Variants in MAP1B observed in about 807,000 individuals in gnomAD.
MAP1B encodes microtubule-associated protein 1B.
In MAP1B, 12 loss-of-function variants were observed where a neutral mutation model predicts 176.1. The observed-to-expected ratio is 0.07, with a 90% CI of 0.04 to 0.11. The LOEUF is 0.11. Among genes scored for constraint, MAP1B ranks in the 10% least tolerant of loss-of-function variants. MAP1B has a pLI of 1.00. For synonymous variants in MAP1B, 1,044 were observed against 1,135.0 expected, an observed-to-expected ratio of 0.92 and a Z score of 1.61; for missense variants, 2,523 against 2,990.5, an observed-to-expected ratio of 0.84 and a Z score of 3.65.
At chr5:72,129,325 G>A (rs927230513) in intron 2 of MAP1B, among the ~76,000 whole-genome samples, 3 of 152,202 alleles carry the variant, frequency 2.0e-5, no homozygotes, top group East Asian at 1.9e-4. Flanking sequence ...GGAGGCCAAG[G>A]TGGGCAGATC....
intron 4 of MAP1B, among the ~76,000 whole-genome samples, chr5:72,190,249 G>C (rs1325491386): frequency 6.6e-6 from 1 of 152,070 alleles, no homozygotes. Context: ...GGCTTTGAGG[G>C]GCTCGACAAT....
rs202077596 is a variant in MAP1B, at chr5:72,198,016, C to G, written c.4661C>G (p.Thr1554Arg). Residue 1554 changes from threonine (T) to arginine (R), a missense_variant, in exon 5 of 7, where the codon ACA becomes AGA. By Grantham distance (71) the Thr-to-Arg change is moderately conservative. Around this residue, in one of 4 missense-constraint regions of MAP1B, gnomAD observed 1,925 missense variants for 2,126.0 expected, o/e 0.91. Transcript: ENST00000296755. ...ATGGAGGGTGTGGCCTCAGTGTCCACAGCCTCAGTGGCTACGAGCTCATTT... is the reference window on the plus strand; with the variant it reads ...ATGGAGGGTGTGGCCTCAGTGTCCAGAGCCTCAGTGGCTACGAGCTCATTT... ...SHMEGVASVS[T>R]ASVATSSFPE... is the part of the protein sequence containing the mutation. 1 of 1,614,202 alleles carries G rather than the reference C, an allele frequency of 6.2e-7. No individual in the cohort carries two copies. The highest frequency in any genetic ancestry group is 2.2e-5 in the East Asian group (1 of 44,892).
intron 2 of MAP1B, among the ~76,000 whole-genome samples, chr5:72,120,000 G>A (rs1745497846): frequency 6.6e-6 from 1 of 152,094 alleles, no homozygotes; most frequent in Admixed American, 6.5e-5. Flanking sequence ...GTTGCCATTT[G>A]CTTCTTTCCC....
intron 2 of MAP1B, among the ~76,000 whole-genome samples, chr5:72,162,285 G>A (rs963594663): frequency 6.6e-6 from 1 of 152,144 alleles, no homozygotes; most frequent in Admixed American, 6.5e-5. Flanking sequence ...TCCTGTAAAA[G>A]TAAAAGTCAC....
intron 2 of MAP1B, among the ~76,000 whole-genome samples, chr5:72,152,124 T>C (rs1465935525): frequency 6.6e-6 from 1 of 152,190 alleles, no homozygotes; most frequent in Non-Finnish European, 1.5e-5. Context: ...GTATCCCACA[T>C]TGTATTTAGA....
chr5:72,193,178 A>G, intron 4 of MAP1B: 1 of 327,612 alleles, frequency 3.1e-6, no homozygotes, highest in South Asian at 2.6e-5. Context: ...GCGTGCACTG[A>G]TGCCAGAAAC....
At chr5:72,161,956 C>CAAAAAAAAAAAAAAAAAA (rs4043357) in intron 2 of MAP1B, among the ~76,000 whole-genome samples, 1 of 85,024 alleles carries the variant, frequency 1.2e-5, no homozygotes, top group Non-Finnish European at 2.3e-5. Context: ...AATTCCGTCT[C>CAAAAAAAAAAAAAAAAAA]AAAAAAAAAA....
chr5:72,107,660 C>A lies in MAP1B; in HGVS notation c.129C>A (p.Val43=), dbSNP rs1445380169. 1.9e-6 allele frequency: 3 copies of A among 1,600,172 alleles called. No individual in the cohort carries two copies. Among genetic ancestry groups the A allele is most frequent in the Non-Finnish European group, 2.5e-6 (3 of 1,179,640 alleles). ...LDSKFYLLVV[V]GEIVTEEHLR... ...GCAAGTTCTACTTGCTGGTGGTCGT[C>A]GGCGAGATCGTGACCGAGGAGCACC... The change falls in exon 1 of 7, where the codon GTC becomes GTA. Residue 43 remains valine (V), a synonymous_variant. Transcript: ENST00000296755.
Position 72,200,367 on chromosome 5 carries a change from G to A in MAP1B, c.7012G>A (p.Gly2338Arg), listed in dbSNP as rs1322501321. ...ASKSAKTATA[G>R]PGTTKTTKSS... ...CAAGTCGGCCAAGACCGCCACTGCAGGTAGGTTGAGAAGGCTGGGCATTGG... is the reference window on the plus strand; with the variant it reads ...CAAGTCGGCCAAGACCGCCACTGCAAGTAGGTTGAGAAGGCTGGGCATTGG... Residue 2338 changes from glycine (G) to arginine (R), a missense_variant and splice_region_variant, in exon 5 of 7, where the codon GGA becomes AGA. By Grantham distance (125) the Gly-to-Arg change is moderately radical (BLOSUM62 -2). This residue lies in a region of MAP1B where 287 missense variants were observed against 401.5 expected (regional missense o/e 0.71). Coordinates refer to ENST00000296755, the MANE Select transcript of MAP1B (RefSeq NM_005909.5). 1 of 1,612,848 alleles carries A rather than the reference G, an allele frequency of 6.2e-7. No homozygotes were observed. Among genetic ancestry groups the A allele is most frequent in the Admixed American group, 1.7e-5 (1 of 59,868 alleles).
At chr5:72,132,620 C>G (rs1323919809) in intron 2 of MAP1B, among the ~76,000 whole-genome samples, 1 of 152,140 alleles carries the variant, frequency 6.6e-6, no homozygotes, top group Non-Finnish European at 1.5e-5. Flanking sequence ...TCCTTGAATT[C>G]TTTTGTTCAT....
chr5:72,132,180 T>C (rs1745745592), intron 2 of MAP1B, among the ~76,000 whole-genome samples: 1 of 152,248 alleles, frequency 6.6e-6, no homozygotes, highest in Non-Finnish European at 1.5e-5. Context: ...AAGGTGTTCA[T>C]AATTCAGTTG....
At chr5:72,125,933 A>G (rs1330557215) in intron 2 of MAP1B, among the ~76,000 whole-genome samples, 1 of 149,598 alleles carries the variant, frequency 6.7e-6, no homozygotes, top group Non-Finnish European at 1.5e-5. Context: ...ACCTGGATGT[A>G]TAAGCTTAAT....
intron 4 of MAP1B, among the ~76,000 whole-genome samples, chr5:72,188,462 G>GTTGGTTTCTACCCAAGTCA (rs1746960769): frequency 6.6e-6 from 1 of 152,160 alleles, no homozygotes; most frequent in African/African-American, 2.4e-5. Context: ...TTTTCTAGTG[G>GTTGGTTTCTACCCAAGTCA]TTGGTTTCTA....
rs761585337 is a variant in MAP1B at position 72,199,638 on chromosome 5, A to G, written c.6283A>G (p.Thr2095Ala). 1.2e-6 allele frequency: 2 copies of G among 1,614,150 alleles called. No homozygotes were observed. Among genetic ancestry groups the G allele is most frequent in the Non-Finnish European group, 1.7e-6 (2 of 1,180,028 alleles). The change falls in exon 5 of 7, where the codon ACA becomes GCA. Residue 2095 changes from threonine (T) to alanine (A), a missense_variant. Transcript: ENST00000296755. This position sits in a 1 kb window ranked among gnomAD's most constrained non-coding sequence, Gnocchi z 4.2. ...CTCTTGTGAATACAAGCACCCCAAG[A>G]CAGAGCTTTCACCCTCTTTCATTAA... The part of the protein sequence containing the change: ...VSSCEYKHPK[T>A]ELSPSFINPN...
chr5:72,131,736 A>G (rs1003646803), intron 2 of MAP1B, among the ~76,000 whole-genome samples: 2 of 152,224 alleles, frequency 1.3e-5, no homozygotes, highest in Non-Finnish European at 2.9e-5. Context: ...CTATAGAATC[A>G]TAGTTTATGT....
chr5:72,151,421 A>C (rs2112166507), intron 2 of MAP1B, among the ~76,000 whole-genome samples: 1 of 152,316 alleles, frequency 6.6e-6, no homozygotes, highest in South Asian at 2.1e-4. Flanking sequence ...AAAGCATTGC[A>C]GTGGGGAAGT....
intron 2 of MAP1B, among the ~76,000 whole-genome samples, chr5:72,122,264 G>A (rs1205322904): frequency 6.6e-6 from 1 of 152,030 alleles, no homozygotes; most frequent in African/African-American, 2.4e-5. Flanking sequence ...GTGATCGGCA[G>A]CTCCTCATGC....
chr5:72,192,511 C>T (rs1252776211), intron 4 of MAP1B, among the ~76,000 whole-genome samples: 2 of 152,190 alleles, frequency 1.3e-5, no homozygotes, highest in African/African-American at 4.8e-5. Context: ...TATTTTACTG[C>T]AATATTGCAG....
chr5:72,156,974 C>T (rs777950920), intron 2 of MAP1B, among the ~76,000 whole-genome samples: 6 of 152,148 alleles, frequency 3.9e-5, no homozygotes, highest in African/African-American at 7.2e-5. Flanking sequence ...AGCATCATTA[C>T]GGGCTGGAAG....
Sources: allele counts gnomAD v4.1 joint callset (sites outside exome capture counted in the v4.1 genomes callset), GRCh38; gene constraint gnomAD v4.1.1; regional missense constraint gnomAD v4.1.1; non-coding constraint Gnocchi (gnomAD v3.1); transcripts MANE v1.5; gene names NCBI Gene and HGNC (gene_info 2026-07-23, HGNC 2026-07-21).